Variants in FAM117B observed in about 807,000 individuals in gnomAD.
FAM117B encodes protein FAM117B.
In FAM117B, 22 loss-of-function variants were observed where a neutral mutation model predicts 52.8. That is an observed-to-expected ratio of 0.42 (90% CI 0.30 to 0.59). FAM117B has a LOEUF of 0.59. FAM117B is among the 20% of genes least tolerant of loss of function. The pLI is 0.22. For synonymous variants in FAM117B, 309 were observed against 324.1 expected (o/e 0.95, Z 0.50); for missense variants, 678 against 802.6 (o/e 0.84, Z 1.88).
chr2:202,670,651 C>T (rs1690284699), intron 1 of FAM117B, among the ~76,000 whole-genome samples: 1 of 152,162 alleles, frequency 6.6e-6, no homozygotes, highest in Admixed American at 6.5e-5. Context: ...ATTCAAGACT[C>T]ATATTTCCGT....
intron 1 of FAM117B, among the ~76,000 whole-genome samples, chr2:202,686,134 G>T (rs1263456507): frequency 7.9e-5 from 12 of 152,204 alleles, no homozygotes; most frequent in Non-Finnish European, 2.9e-5. Flanking sequence ...TATCACTGAA[G>T]AAAATGTGTA....
chr2:202,750,406 G>A (rs562049662), intron 4 of FAM117B, among the ~76,000 whole-genome samples: 6 of 152,192 alleles, frequency 3.9e-5, no homozygotes, highest in South Asian at 2.1e-4. Flanking sequence ...CCAGCTACTC[G>A]GGAGGCTGAG....
chr2:202,670,659 C>T (rs1215401083), intron 1 of FAM117B, among the ~76,000 whole-genome samples: 5 of 152,114 alleles, frequency 3.3e-5, no homozygotes, highest in African/African-American at 4.8e-5. Flanking sequence ...CTCATATTTC[C>T]GTCTGCAAGA....
At chr2:202,703,556 A>G (rs565468432) in intron 2 of FAM117B, among the ~76,000 whole-genome samples, 3 of 152,144 alleles carry the variant, frequency 2.0e-5, no homozygotes, top group South Asian at 2.1e-4. Context: ...GGATCTTTCT[A>G]TGTTGCCCGG....
In FAM117B at chr2:202,673,433, G is replaced by GTTTTTTTTTTTTTTTT. The variant is rs1158185300; in HGVS notation, c.602-22431_602-22416dup. On this transcript the variant is annotated intron_variant, in intron 1 of 7. Transcript: ENST00000392238. ...TAGCCTACCCTATTTTTCTTTTTCT[G>GTTTTTTTTTTTTTTTT]TTTTTTTTTTTTTTTTTTTTTTTTT... is the stretch of plus-strand genomic sequence containing the variant. 3.7e-4 allele frequency among the ~76,000 whole-genome samples: 14 copies of GTTTTTTTTTTTTTTTT among 37,536 alleles called. 2 individuals carry two copies. Among genetic ancestry groups the GTTTTTTTTTTTTTTTT allele is most frequent in the African/African-American group, 1.7e-3 (11 of 6,450 alleles). The allele number at this position is 37,536 out of a possible 152,430, so 24.6% of individuals were successfully genotyped here.
intron 1 of FAM117B, among the ~76,000 whole-genome samples, chr2:202,666,287 A>G (rs558060238): frequency 1.3e-5 from 2 of 152,244 alleles, no homozygotes; most frequent in East Asian, 3.9e-4. Flanking sequence ...TTGAAAAAAA[A>G]TAGAAACAGT....
intron 1 of FAM117B, among the ~76,000 whole-genome samples, chr2:202,671,911 G>A (rs1219524187): frequency 1.3e-5 from 2 of 152,172 alleles, no homozygotes; most frequent in Middle Eastern, 3.2e-3. Context: ...ATGACTCAGA[G>A]ACCCAAGCTG....
At chr2:202,754,197 A>G (rs1237793007) in intron 4 of FAM117B, among the ~76,000 whole-genome samples, 19 of 152,218 alleles carry the variant, frequency 1.2e-4, no homozygotes, top group Admixed American at 1.2e-3. Context: ...ATGCAGCCAT[A>G]AAAAGGAATG....
At chr2:202,689,261 CAA>C (rs546163465) in intron 1 of FAM117B, among the ~76,000 whole-genome samples, 14 of 151,534 alleles carry the variant, frequency 9.2e-5, no homozygotes, top group African/African-American at 3.4e-4. Context: ...GGCAACATGG[CAA>C]AACCCCATCT....
intron 4 of FAM117B, among the ~76,000 whole-genome samples, chr2:202,728,002 A>G (rs961879887): frequency 1.3e-5 from 2 of 152,106 alleles, no homozygotes; most frequent in Non-Finnish European, 2.9e-5. Context: ...GTTTTGAGAC[A>G]GGGTCTTGCT....
intron 4 of FAM117B, among the ~76,000 whole-genome samples, chr2:202,741,940 C>G (rs1691548654): frequency 6.6e-6 from 1 of 152,046 alleles, no homozygotes; most frequent in African/African-American, 2.4e-5. Context: ...AAAATAAATT[C>G]CAATTTACAG....
intron 5 of FAM117B, 62 bp downstream of exon 5, chr2:202,755,743 T>G (rs1691791461): frequency 1.3e-6 from 2 of 1,492,288 alleles, no homozygotes; most frequent in Admixed American, 2.0e-5. Flanking sequence ...AATGCACAGT[T>G]TGGGTTTCCA....
intron 4 of FAM117B, among the ~76,000 whole-genome samples, chr2:202,741,738 G>T (rs547270149): frequency 1.3e-5 from 2 of 151,900 alleles, no homozygotes; most frequent in South Asian, 4.1e-4. Context: ...GGGTTTCACC[G>T]TGTTAGCCAG....
At chr2:202,679,906 ATAT>A (rs1437455834) in intron 1 of FAM117B, among the ~76,000 whole-genome samples, 3 of 152,228 alleles carry the variant, frequency 2.0e-5, no homozygotes, top group Non-Finnish European at 4.4e-5. Flanking sequence ...AATAGAGATA[ATAT>A]TATATGACAA....
chr2:202,668,200 A>G (rs964679853), intron 1 of FAM117B, among the ~76,000 whole-genome samples: 16 of 144,264 alleles, frequency 1.1e-4, no homozygotes, highest in African/African-American at 3.6e-4. Flanking sequence ...ATATATTTAT[A>G]TATTTTTATA....
intron 1 of FAM117B, among the ~76,000 whole-genome samples, chr2:202,678,660 A>C (rs1690414765): frequency 6.6e-6 from 1 of 152,152 alleles, no homozygotes; most frequent in Non-Finnish European, 1.5e-5. Flanking sequence ...CTCGGCTTCA[A>C]ACAATTCTGC....
chr2:202,716,574 A>G (rs1436247910), intron 2 of FAM117B, among the ~76,000 whole-genome samples: 1 of 152,122 alleles, frequency 6.6e-6, no homozygotes, highest in African/African-American at 2.4e-5. Context: ...TGAGGTTACT[A>G]CAAGGCCCCG....
At chr2:202,762,732 C>G (rs181707580) in intron 7 of FAM117B, among the ~76,000 whole-genome samples, 1 of 151,730 alleles carries the variant, frequency 6.6e-6, no homozygotes, top group African/African-American at 2.4e-5. Flanking sequence ...CTCTTAGAAG[C>G]CACAGAGGTT....
intron 4 of FAM117B, 36 bp from the exon 5 acceptor site, chr2:202,755,502 A>G (rs757199515): frequency 1.3e-6 from 2 of 1,599,920 alleles, no homozygotes; most frequent in Admixed American, 1.7e-5. Context: ...TTAAAAGGTA[A>G]TGTTAAGCCT....
Sources: allele counts gnomAD v4.1 joint callset (sites outside exome capture counted in the v4.1 genomes callset), GRCh38; gene constraint gnomAD v4.1.1; transcripts MANE v1.5; gene names NCBI Gene and HGNC (gene_info 2026-07-23, HGNC 2026-07-21).